The following FAM81A variants were observed in gnomAD, a reference collection of about 807,000 sequenced individuals.
FAM81A encodes the protein protein FAM81A.
FAM81A carries 19 observed loss-of-function variants against 46.7 expected under a neutral mutation model. That is an observed-to-expected ratio of 0.41 (90% CI 0.28 to 0.60). The LOEUF (loss-of-function observed/expected upper bound fraction) is 0.60, where lower values mean the gene tolerates loss of function less well. Ranked by LOEUF, FAM81A falls within the 20% of genes least tolerant of loss-of-function variation. The probability of loss-of-function intolerance (pLI) is 0.34; values close to 1 mark genes in which losing one functional copy is unlikely to be tolerated. For missense variants in FAM81A, 377 were observed against 453.5 expected (o/e 0.83, Z 1.53); for synonymous variants, 183 against 152.9 (o/e 1.20, Z -1.45).
chr15:59,421,729 GTCTATCTATCTATCTGTCTATCTATCTA>G (rs1246740337), intron 2 of FAM81A, among the ~76,000 whole-genome samples: 370 of 128,974 alleles, frequency 2.9e-3, no homozygotes, highest in Non-Finnish European at 4.6e-3. Context: ...CTGTCTGTCT[GTCTATCTATCTATCTGTCTATCTATCTA>G]TCTATCTATC....
intron 2 of FAM81A, among the ~76,000 whole-genome samples, chr15:59,402,848 C>T (rs2081077999): frequency 6.6e-6 from 1 of 152,130 alleles, no homozygotes; most frequent in African/African-American, 2.4e-5. Flanking sequence ...GCCACCACGC[C>T]CGGCCTCTAT....
chr15:59,403,562 T>A (rs2081081130), intron 2 of FAM81A, among the ~76,000 whole-genome samples: 1 of 152,184 alleles, frequency 6.6e-6, no homozygotes, highest in Admixed American at 6.5e-5. Flanking sequence ...ACCCTGACAC[T>A]GTTATGGCAG....
intron 3 of FAM81A, among the ~76,000 whole-genome samples, chr15:59,478,844 A>G (rs2081808267): frequency 6.6e-6 from 1 of 152,192 alleles, no homozygotes; most frequent in South Asian, 2.1e-4. Context: ...GTCCTCTTTG[A>G]GGACCTGATC....
chr15:59,398,045 G>A (rs554081284), intron 1 of FAM81A, among the ~76,000 whole-genome samples: 1 of 152,214 alleles, frequency 6.6e-6, no homozygotes, highest in Admixed American at 6.5e-5. Flanking sequence ...GGAGAAATGG[G>A]CACAATCCTA....
chr15:59,450,523 G>A lies in FAM81A; in HGVS notation c.-77-8027G>A, dbSNP rs115018200. On this transcript the variant is annotated intron_variant, in intron 1 of 8. Coordinates refer to ENST00000288228, the MANE Select transcript of FAM81A (RefSeq NM_152450.3). ...TAGTATCAATTCACACTCCCATCTT[G>A]TGCTCCTGTTGTTCCATATATATTC... Among the ~76,000 whole-genome samples the A allele has an allele frequency of 9.1e-3, 1,378 of 152,022 alleles. 24 individuals are homozygous for A. The highest frequency in any genetic ancestry group is 0.031 in the African/African-American group (1,283 of 41,466).
rs183537019 is a variant in FAM81A, at chr15:59,477,275, A to G, written c.295-14996A>G. On this transcript the variant is annotated intron_variant, in intron 3 of 8. Transcript: ENST00000288228. ...TTTTATTTATAGATTCTTGAAGAAT[A>G]TCTTCTGTAAATTGCCTGAGTTTTT... Among the ~76,000 whole-genome samples the G allele has an allele frequency of 2.0e-5, 3 of 152,308 alleles. No individual in the cohort carries two copies. In the East Asian group the frequency reaches 5.8e-4, roughly 29 times the overall value.
intron 2 of FAM81A, among the ~76,000 whole-genome samples, chr15:59,420,228 G>A (rs6494110): frequency 0.34 from 52,396 of 152,140 alleles, 10,426 homozygotes; most frequent in African/African-American, 0.56. Context: ...AGCTTCTAGC[G>A]CTGATTCTGG....
At chr15:59,421,665 G>A (rs1365018689) in intron 2 of FAM81A, among the ~76,000 whole-genome samples, 4 of 152,016 alleles carry the variant, frequency 2.6e-5, no homozygotes, top group Admixed American at 2.6e-4. Flanking sequence ...AAGTATTGAG[G>A]TTTTAAAGCT....
chr15:59,519,455 C>G (rs184879167), intron 8 of FAM81A, among the ~76,000 whole-genome samples: 1 of 148,214 alleles, frequency 6.7e-6, no homozygotes, highest in Non-Finnish European at 1.5e-5. Context: ...TGCCTTCCTC[C>G]CTCCCTCCCT....
At chr15:59,467,915 C>T (rs1334494344) in intron 3 of FAM81A, among the ~76,000 whole-genome samples, 3 of 152,044 alleles carry the variant, frequency 2.0e-5, no homozygotes, top group East Asian at 1.9e-4. Context: ...GTTTTTAGCA[C>T]GACGGGCTGT....
intron 2 of FAM81A, among the ~76,000 whole-genome samples, chr15:59,429,957 A>C (rs1207684007): frequency 6.6e-6 from 1 of 152,230 alleles, no homozygotes; most frequent in Non-Finnish European, 1.5e-5. Flanking sequence ...GCCAGGTAGT[A>C]GGACTAGGGA....
chr15:59,512,328 T>C (rs549779095), intron 6 of FAM81A, among the ~76,000 whole-genome samples: 120 of 151,830 alleles, frequency 7.9e-4, no homozygotes, highest in African/African-American at 2.4e-3. Flanking sequence ...AAAAATTAGC[T>C]GGGCATGGTG....
intron 2 of FAM81A, among the ~76,000 whole-genome samples, chr15:59,417,125 A>T (rs2081150080): frequency 6.6e-6 from 1 of 152,200 alleles, no homozygotes; most frequent in Non-Finnish European, 1.5e-5. Context: ...ACATTTTTAA[A>T]AGAAAAACAA....
intron 4 of FAM81A, among the ~76,000 whole-genome samples, chr15:59,499,302 C>T (rs1448449296): frequency 3.3e-5 from 5 of 152,170 alleles, no homozygotes; most frequent in African/African-American, 4.8e-5. Context: ...ACCCCCAATA[C>T]AGCTTTGCTC....
intron 3 of FAM81A, among the ~76,000 whole-genome samples, chr15:59,473,328 G>A (rs1454608216): frequency 6.6e-6 from 1 of 152,114 alleles, no homozygotes; most frequent in African/African-American, 2.4e-5. Context: ...GGCCTGGGTG[G>A]GACGTGAATC....
At chr15:59,419,654 GC>G (rs1167978646) in intron 2 of FAM81A, among the ~76,000 whole-genome samples, 3 of 152,106 alleles carry the variant, frequency 2.0e-5, no homozygotes, top group African/African-American at 7.2e-5. Flanking sequence ...CGGGCAGATT[GC>G]TTGAAGTCAG....
At chr15:59,489,314 T>C (rs12907201) in intron 3 of FAM81A, among the ~76,000 whole-genome samples, 11,674 of 138,376 alleles carry the variant, frequency 0.084, 551 homozygotes, top group African/African-American at 0.13. Context: ...TACATACATA[T>C]ATACATACAT....
At chr15:59,440,973 T>C (rs753195094) in intron 1 of FAM81A, among the ~76,000 whole-genome samples, 2 of 152,244 alleles carry the variant, frequency 1.3e-5, no homozygotes, top group Non-Finnish European at 2.9e-5. Context: ...ATTGAAAATT[T>C]ACGTTGGCTC....
intron 3 of FAM81A, among the ~76,000 whole-genome samples, chr15:59,490,342 A>C (rs893719530): frequency 5.3e-5 from 8 of 152,308 alleles, no homozygotes; most frequent in Admixed American, 4.6e-4. Context: ...CAAACTCTCC[A>C]TCTGACAAGG....
Sources: allele counts gnomAD v4.1 joint callset (sites outside exome capture counted in the v4.1 genomes callset), GRCh38; gene constraint gnomAD v4.1.1; transcripts MANE v1.5; gene names NCBI Gene and HGNC (gene_info 2026-07-23, HGNC 2026-07-21).